ZNF333: variants seen among roughly 807,000 people sequenced by gnomAD.
The protein encoded by ZNF333 is zinc finger protein 333.
A neutral mutation model predicts 76.1 loss-of-function variants in ZNF333; 61 were observed. That is an observed-to-expected ratio of 0.80 (90% CI 0.65 to 0.99). The LOEUF (loss-of-function observed/expected upper bound fraction) is 0.99, where lower values mean the gene tolerates loss of function less well. Ranked by LOEUF, ZNF333 falls within the 50% of genes least tolerant of loss-of-function variation. The pLI is 0.00. For synonymous variants in ZNF333, 284 were observed against 305.0 expected (o/e 0.93, Z 0.72); for missense variants, 717 against 822.4 (o/e 0.87, Z 1.57).
intron 5 of ZNF333, 34 bp from the exon 6 acceptor site, chr19:14,705,020 C>G (rs759232024): frequency 1.2e-6 from 2 of 1,602,176 alleles, no homozygotes; most frequent in Admixed American, 3.4e-5. Flanking sequence ...GGTGCCAACT[C>G]TGTCCTGCTC....
At chr19:14,690,535 C>T (rs528159247) in intron 1 of ZNF333, among the ~76,000 whole-genome samples, 16 of 152,250 alleles carry the variant, frequency 1.1e-4, no homozygotes, top group Admixed American at 8.5e-4. Context: ...TAGTAATTCA[C>T]GTTTTATTTG....
chr19:14,723,287 T>C (rs924327092), downstream of ZNF333, among the ~76,000 whole-genome samples: 5 of 152,236 alleles, frequency 3.3e-5, no homozygotes, highest in African/African-American at 1.2e-4. Flanking sequence ...CTATATGTCT[T>C]ATCTTTATGC....
At chr19:14,708,111 G>T (rs189415594) in intron 7 of ZNF333, 1 of 385,460 alleles carries the variant, frequency 2.6e-6, no homozygotes, top group Admixed American at 4.5e-5. Flanking sequence ...GGGTTCAAGC[G>T]ATTTTCCTGC....
At chr19:14,729,463 ATCCT>A (rs2042654460) in intron 11 of ZNF333, among the ~76,000 whole-genome samples, 1 of 151,870 alleles carries the variant, frequency 6.6e-6, no homozygotes, top group African/African-American at 2.4e-5. Context: ...GGCTCAAGTG[ATCCT>A]TCCTCCTCAG....
Position 14,695,076 on chromosome 19 carries a change from C to T in ZNF333, c.70C>T (p.Arg24Trp), listed in dbSNP as rs61995698. 1.6e-5 allele frequency: 26 copies of T among 1,613,958 alleles called. No homozygotes were observed. The highest frequency in any genetic ancestry group is 4.0e-5 in the African/African-American group (3 of 74,904). Residue 24 changes from arginine to tryptophan, a missense_variant, in exon 3 of 12, where the codon CGG (arginine) becomes TGG (tryptophan). Physicochemically the swap from Arg to Trp is moderately radical, Grantham distance 101. Coordinates refer to ENST00000292530, the MANE Select transcript of ZNF333 (RefSeq NM_032433.4). The part of the protein sequence containing the change: ...IQEWALLDSA[R>W]RSLCKYRMLD... ...GGAGTGGGCATTGCTGGACAGCGCA[C>T]GGAGGAGCCTGTGCAAATACAGGAT...
At chr19:14,725,625 CA>C (rs998293228), downstream of ZNF333, among the ~76,000 whole-genome samples, 38 of 152,174 alleles carry the variant, frequency 2.5e-4, 1 homozygote, top group African/African-American at 8.9e-4. Flanking sequence ...AGACACAGGC[CA>C]AAAGAAAAAG....
chr19:14,693,321 G>A, intron 1 of ZNF333, 130 bp from the exon 2 acceptor site: 1 of 547,904 alleles, frequency 1.8e-6, no homozygotes, highest in Non-Finnish European at 3.1e-6. Flanking sequence ...TGCCTTGGGG[G>A]CCAACATGTT....
chr19:14,700,962 C>T (rs2041939700), intron 5 of ZNF333, among the ~76,000 whole-genome samples: 1 of 152,178 alleles, frequency 6.6e-6, no homozygotes, highest in Non-Finnish European at 1.5e-5. Flanking sequence ...CCCTGTGCAG[C>T]TTGGTGTGGG....
At chr19:14,707,989 A>G (rs772930929) in intron 7 of ZNF333, 2 of 400,438 alleles carry the variant, frequency 5.0e-6, no homozygotes, top group Admixed American at 4.4e-5. Context: ...GCCAGGCTCT[A>G]TTTTGTTACT....
rs2042586839 is a variant in ZNF333, at chr19:14,721,540, G to T, written c.*2215G>T. 1.3e-5 allele frequency: 2 copies of T among 152,118 alleles called. No individual in the cohort carries two copies. Among genetic ancestry groups the T allele is most frequent in the South Asian group, 4.2e-4 (2 of 4,818 alleles). 9.4% of individuals were successfully genotyped at this position (152,118 alleles called of 1,614,324 possible). On this transcript the variant is annotated 3_prime_UTR_variant, in exon 12 of 12. Transcript: ENST00000292530. ...ATGGAACCATAAACAGCCCTCTTGT[G>T]TCTGTTTTCTTCACTTAATATAGTG...
At chr19:14,733,565 C>T (rs1042747111) in exon 12 of ZNF333, 1 of 150,304 alleles carries the variant, frequency 6.7e-6, no homozygotes, top group African/African-American at 2.4e-5. Context: ...GCAAACACAC[C>T]ACTCTCCCTC....
chr19:14,690,909 A>G (rs1040335684), intron 1 of ZNF333, among the ~76,000 whole-genome samples: 8 of 152,150 alleles, frequency 5.3e-5, no homozygotes, highest in Admixed American at 2.0e-4. Context: ...CCTGGCCAAC[A>G]TGGTGAAACC....
intron 11 of ZNF333, among the ~76,000 whole-genome samples, chr19:14,730,993 A>G (rs1222435886): frequency 6.6e-6 from 1 of 151,892 alleles, no homozygotes; most frequent in African/African-American, 2.4e-5. Flanking sequence ...TCAGTCTTTC[A>G]AACTCCCATC....
chr19:14,730,806 T>C (rs957364078), intron 11 of ZNF333, among the ~76,000 whole-genome samples: 1 of 151,634 alleles, frequency 6.6e-6, no homozygotes, highest in African/African-American at 2.4e-5. Context: ...CTTGCCCTCC[T>C]CCCTCCCTCC....
intron 6 of ZNF333, chr19:14,706,451 C>A: frequency 3.8e-6 from 2 of 522,034 alleles, no homozygotes; most frequent in Middle Eastern, 5.0e-4. Context: ...TTGGAGGGTG[C>A]CACCTTCCCC....
At chr19:14,708,368 C>A (rs993144986) in intron 7 of ZNF333, 2 of 401,010 alleles carry the variant, frequency 5.0e-6, no homozygotes, top group East Asian at 3.6e-5. Flanking sequence ...GAGATGGGGA[C>A]CAGGAAACAG....
At chr19:14,732,457 A>G (rs2042680071) in exon 12 of ZNF333, 2 of 152,090 alleles carry the variant, frequency 1.3e-5, no homozygotes, top group South Asian at 2.1e-4. Flanking sequence ...GGAGCCTGCA[A>G]TATCTCTGAG....
At chr19:14,715,339 T>A in intron 7 of ZNF333, 43 bp from the exon 8 acceptor site, 1 of 1,585,758 alleles carries the variant, frequency 6.3e-7, no homozygotes, top group Non-Finnish European at 8.6e-7. Context: ...GTGTGCCCAG[T>A]AGGCCAGGCA....
intron 11 of ZNF333, among the ~76,000 whole-genome samples, chr19:14,727,177 G>A (rs371106304): frequency 4.6e-5 from 7 of 151,970 alleles, no homozygotes; most frequent in East Asian, 1.9e-4. Context: ...ACAGGTGTCC[G>A]CCACCACGCC....
Sources: gnomAD v4.1 joint callset for allele counts (sites outside exome capture counted in the v4.1 genomes callset) on GRCh38, gnomAD v4.1.1 for gene constraint, MANE v1.5 for transcripts, NCBI Gene and HGNC (gene_info 2026-07-23, HGNC 2026-07-21) for gene names.